The following ADAMTS3 variants were observed in gnomAD, a reference collection of about 807,000 sequenced individuals.
ADAMTS3 encodes A disintegrin and metalloproteinase with thrombospondin motifs 3.
Under a neutral mutation model 129.0 loss-of-function variants are expected in ADAMTS3, and 73 were observed. The observed-to-expected ratio is 0.57, with a 90% CI of 0.47 to 0.69. The LOEUF is 0.69. Ranked by LOEUF, ADAMTS3 falls within the 30% of genes least tolerant of loss-of-function variation. ADAMTS3 has a pLI of 0.00. For synonymous variants in ADAMTS3, 477 were observed against 510.8 expected (o/e 0.93, Z 0.89); for missense variants, 1,457 against 1,514.5 (o/e 0.96, Z 0.63).
chr4:72,351,074 G>A (rs1322446487), intron 4 of ADAMTS3, among the ~76,000 whole-genome samples: 4 of 151,852 alleles, frequency 2.6e-5, no homozygotes, highest in Non-Finnish European at 5.9e-5. Flanking sequence ...AATAAGCTGG[G>A]GCAATCCTGA....
At chr4:72,299,356 C>CA (rs61019058) in intron 17 of ADAMTS3, among the ~76,000 whole-genome samples, 2 of 150,834 alleles carry the variant, frequency 1.3e-5, no homozygotes, top group Non-Finnish European at 3.0e-5. Flanking sequence ...TGCACTTGTA[C>CA]AAAAAAAAGT....
chr4:72,504,573 T>C (rs1196651020), intron 3 of ADAMTS3, among the ~76,000 whole-genome samples: 4 of 152,268 alleles, frequency 2.6e-5, no homozygotes, highest in South Asian at 4.1e-4. Flanking sequence ...TAGTATTTCA[T>C]AGGTGTTCTC....
intron 4 of ADAMTS3, among the ~76,000 whole-genome samples, chr4:72,397,212 C>T (rs1338446950): frequency 6.6e-6 from 1 of 151,976 alleles, no homozygotes; most frequent in African/African-American, 2.4e-5. Flanking sequence ...TTTTTTTAAA[C>T]TTGTAAAATA....
intron 3 of ADAMTS3, among the ~76,000 whole-genome samples, chr4:72,530,305 A>T (rs1720972238): frequency 1.2e-5 from 1 of 82,742 alleles, no homozygotes; most frequent in South Asian, 4.1e-4. Flanking sequence ...ATATAATATA[A>T]TTATATATTA....
At chr4:72,441,286 A>G (rs915059096) in intron 3 of ADAMTS3, among the ~76,000 whole-genome samples, 1 of 151,690 alleles carries the variant, frequency 6.6e-6, no homozygotes, top group Non-Finnish European at 1.5e-5. Context: ...ATATGAACAC[A>G]CTATATATTT....
chr4:72,488,806 G>A (rs1444425728), intron 3 of ADAMTS3, among the ~76,000 whole-genome samples: 1 of 151,456 alleles, frequency 6.6e-6, no homozygotes, highest in African/African-American at 2.4e-5. Flanking sequence ...GAACACCTAG[G>A]ATCTACCCTC....
At chr4:72,484,913 T>G (rs1719539433) in intron 3 of ADAMTS3, among the ~76,000 whole-genome samples, 1 of 152,184 alleles carries the variant, frequency 6.6e-6, no homozygotes, top group Admixed American at 6.5e-5. Context: ...TGTATCCTTG[T>G]TTTTCCTATT....
At chr4:72,527,448 C>T (rs1195430901) in intron 3 of ADAMTS3, among the ~76,000 whole-genome samples, 1 of 152,134 alleles carries the variant, frequency 6.6e-6, no homozygotes, top group Non-Finnish European at 1.5e-5. Flanking sequence ...ACTATGCCTG[C>T]TTTTGCTCAT....
At chr4:72,394,607 C>T (rs1721678882) in intron 4 of ADAMTS3, among the ~76,000 whole-genome samples, 1 of 152,152 alleles carries the variant, frequency 6.6e-6, no homozygotes, top group Non-Finnish European at 1.5e-5. Context: ...ACATTTCCTA[C>T]CCTTTCAAAT....
chr4:72,514,946 T>C (rs1720420203), intron 3 of ADAMTS3, among the ~76,000 whole-genome samples: 1 of 152,130 alleles, frequency 6.6e-6, no homozygotes. Context: ...TAACTCGTCA[T>C]GTAGCATTAG....
At chr4:72,490,516 G>A (rs1230074287) in intron 3 of ADAMTS3, among the ~76,000 whole-genome samples, 3 of 151,718 alleles carry the variant, frequency 2.0e-5, no homozygotes, top group African/African-American at 4.8e-5. Context: ...ACATTTGAAC[G>A]GAATTTTGCA....
Position 72,295,710 on chromosome 4 carries a change from G to C in ADAMTS3, c.2667C>G (p.Asn889Lys), listed in dbSNP as rs542110831. 1.7e-5 allele frequency: 28 copies of C among 1,612,942 alleles called. No homozygotes were observed. The highest frequency in any genetic ancestry group is 5.5e-5 in the South Asian group (5 of 91,030). ...KMVHRSFCEANKKPKPIRRMC... is the reference protein window; with the variant it reads ...KMVHRSFCEAKKKPKPIRRMC... ...TTCGTCTAATAGGTTTCGGCTTTTT[G>C]TTGGCCTCACAGAAGCTGCGATGGA... is the stretch of plus-strand genomic sequence containing the variant. Residue 889 changes from asparagine (N) to lysine (K), a missense_variant, in exon 19 of 22, where the codon AAC becomes AAG. Asn to Lys is a moderately conservative substitution (Grantham distance 94, BLOSUM62 0). Coordinates refer to ENST00000286657, the MANE Select transcript of ADAMTS3 (RefSeq NM_014243.3).
At chr4:72,429,051 G>A (rs1722636422) in intron 3 of ADAMTS3, among the ~76,000 whole-genome samples, 1 of 152,024 alleles carries the variant, frequency 6.6e-6, no homozygotes, top group Admixed American at 6.6e-5. Flanking sequence ...GGACTGGGAT[G>A]GTGATCAGAA....
At chr4:72,438,603 C>A (rs1301040269) in intron 3 of ADAMTS3, among the ~76,000 whole-genome samples, 1 of 151,688 alleles carries the variant, frequency 6.6e-6, no homozygotes, top group Non-Finnish European at 1.5e-5. Context: ...TATTATCATA[C>A]CTCTCATAGC....
At chr4:72,455,521 T>C (rs956180823) in intron 3 of ADAMTS3, among the ~76,000 whole-genome samples, 1 of 150,326 alleles carries the variant, frequency 6.7e-6, no homozygotes, top group African/African-American at 2.4e-5. Flanking sequence ...ATACCTAATG[T>C]AGATGATGGG....
chr4:72,421,828 G>A (rs1353824987), intron 3 of ADAMTS3, among the ~76,000 whole-genome samples: 3 of 152,094 alleles, frequency 2.0e-5, no homozygotes, highest in Non-Finnish European at 4.4e-5. Flanking sequence ...CAAAATTGGA[G>A]TGACTATTTT....
intron 4 of ADAMTS3, among the ~76,000 whole-genome samples, chr4:72,389,676 C>A (rs541712004): frequency 6.6e-6 from 1 of 152,046 alleles, no homozygotes; most frequent in African/African-American, 2.4e-5. Flanking sequence ...GGTCCACCAG[C>A]GTATGTCACA....
intron 3 of ADAMTS3, among the ~76,000 whole-genome samples, chr4:72,545,991 G>C (rs1374305836): frequency 2.0e-5 from 3 of 152,080 alleles, no homozygotes; most frequent in Non-Finnish European, 4.4e-5. Context: ...TTTTTAAGTG[G>C]ACTTTTTAAA....
chr4:72,532,491 G>GCA (rs35399046), intron 3 of ADAMTS3, among the ~76,000 whole-genome samples: 41,019 of 148,586 alleles, frequency 0.28, 5,623 homozygotes, highest in Middle Eastern at 0.34. Context: ...AATTTAATAT[G>GCA]CACACACACA....
Sources: gnomAD v4.1 joint callset for allele counts (sites outside exome capture counted in the v4.1 genomes callset) on GRCh38, gnomAD v4.1.1 for gene constraint, MANE v1.5 for transcripts, NCBI Gene and HGNC (gene_info 2026-07-23, HGNC 2026-07-21) for gene names.